The following HDAC1 variants were observed in gnomAD, a reference collection of about 807,000 sequenced individuals.
HDAC1 encodes histone deacetylase 1, also known as protein deacetylase HDAC1.
In HDAC1, 18 loss-of-function variants were observed where a neutral mutation model predicts 65.5. The ratio of observed to expected loss-of-function variants is 0.27; its 90% CI spans 0.19 to 0.41. The LOEUF (loss-of-function observed/expected upper bound fraction) is 0.41, where lower values mean the gene tolerates loss of function less well. Among genes scored for constraint, HDAC1 ranks in the 10% least tolerant of loss-of-function variants. HDAC1 has a pLI of 1.00. For missense variants in HDAC1, 373 were observed against 625.2 expected (o/e 0.60, Z 4.30); for synonymous variants, 211 against 227.9 (o/e 0.93, Z 0.67).
intron 1 of HDAC1, 183 bp downstream of exon 1, chr1:32,292,401 C>T: frequency 1.0e-6 from 1 of 985,146 alleles, no homozygotes; most frequent in Non-Finnish European, 1.2e-6. Context: ...GAGATCGAGG[C>T]TGAGACCAAG....
intron 1 of HDAC1, 104 bp from the exon 2 acceptor site, chr1:32,302,517 G>C (rs1304002361): frequency 2.4e-5 from 12 of 490,490 alleles, no homozygotes; most frequent in South Asian, 1.8e-4. Flanking sequence ...AACTAGAAAT[G>C]AGCCAGAAAG....
chr1:32,332,871 C>G lies in HDAC1; in HGVS notation c.1421+122C>G, dbSNP rs1641316039. 3 of 1,159,904 alleles carry G rather than the reference C, an allele frequency of 2.6e-6. No homozygotes were observed. The South Asian group carries it at 4.0e-5, about 15-fold the overall frequency. 71.9% of individuals were successfully genotyped at this position (1,159,904 alleles called of 1,614,324 possible). On this transcript the variant is annotated intron_variant, in intron 13 of 13. Transcript: ENST00000373548. Reference sequence around the variant, plus strand: ...GCTTACAAAGGCCTCTTTCAGGGACCAGTCTGTCCAGCTCTGCAGTTCTAG... The same window carrying G: ...GCTTACAAAGGCCTCTTTCAGGGACGAGTCTGTCCAGCTCTGCAGTTCTAG...
intron 4 of HDAC1, 93 bp from the exon 5 acceptor site, chr1:32,326,846 C>A: frequency 7.5e-7 from 1 of 1,331,784 alleles, no homozygotes; most frequent in Non-Finnish European, 1.1e-6. Context: ...GTTGAATAGG[C>A]AGGTCTTAAC....
chr1:32,321,818 G>A (rs150382063), intron 3 of HDAC1, among the ~76,000 whole-genome samples: 152 of 152,052 alleles, frequency 1.0e-3, no homozygotes, highest in Admixed American at 2.0e-3. Context: ...CTTTGGAAAC[G>A]CAGGCAGGCC....
In HDAC1 at chr1:32,332,712, G is replaced by A; in HGVS notation, c.1384G>A (p.Glu462Lys). ...CTCTTGTGTTCTAGAAGTCACCGAA[G>A]AGGAGAAAACCAAGGAGGAGAAGCC... is the stretch of plus-strand genomic sequence containing the variant. ...DPEEKKEVTE[E>K]EKTKEEKPEA... Residue 462 changes from glutamate (E) to lysine (K), a missense_variant, in exon 13 of 14, where the codon GAG (glutamate) becomes AAG (lysine). Physicochemically the swap from Glu to Lys is moderately conservative, Grantham distance 56. Around this residue, in one of 4 missense-constraint regions of HDAC1, gnomAD observed 126 missense variants for 126.2 expected, o/e 1.00. Coordinates refer to ENST00000373548, the MANE Select transcript of HDAC1 (RefSeq NM_004964.3). The A allele has an allele frequency of 1.3e-6, 2 of 1,555,096 alleles. No homozygotes were observed. The highest frequency in any genetic ancestry group is 2.7e-5 in the African/African-American group (2 of 73,546).
At chr1:32,325,566 T>C (rs574192053) in intron 4 of HDAC1, among the ~76,000 whole-genome samples, 1 of 152,344 alleles carries the variant, frequency 6.6e-6, no homozygotes, top group Admixed American at 6.5e-5. Context: ...ATCACATATA[T>C]ATGGTTTTAT....
At chr1:32,314,549 G>C (rs534201460) in intron 2 of HDAC1, among the ~76,000 whole-genome samples, 2 of 151,844 alleles carry the variant, frequency 1.3e-5, no homozygotes, top group African/African-American at 2.4e-5. Flanking sequence ...ATATTTCGCC[G>C]GGCAAGGTGG....
Position 32,298,281 on chromosome 1 carries a change from T to C in HDAC1, c.50-4340T>C, listed in dbSNP as rs941323569. 1.9e-4 allele frequency among the ~76,000 whole-genome samples: 29 copies of C among 149,586 alleles called. 1 individual carries two copies. Among genetic ancestry groups the C allele is most frequent in the African/African-American group, 5.9e-4 (24 of 40,392 alleles). On this transcript the variant is annotated intron_variant, in intron 1 of 13. Transcript: ENST00000373548. ...TTTTGTATTTTTAGTAGAGACGGGG[T>C]TTCTCCATGTTGGTCAGGCTGGTCT...
chr1:32,326,085 T>A (rs1641213646), intron 4 of HDAC1, among the ~76,000 whole-genome samples: 1 of 152,178 alleles, frequency 6.6e-6, no homozygotes, highest in African/African-American at 2.4e-5. Context: ...GGTGTGTATT[T>A]ATCTTTTACT....
chr1:32,327,555 TACATTG>T lies in HDAC1; in HGVS notation c.522_527del (p.Asp176_Ile177del). The T allele has an allele frequency of 6.2e-7, 1 of 1,613,452 alleles. No homozygotes were observed. Among genetic ancestry groups the T allele is most frequent in the Non-Finnish European group, 8.5e-7 (1 of 1,179,616 alleles). On this transcript the variant is annotated inframe_deletion, in exon 6 of 14. Transcript: ENST00000373548. This position sits in a 1 kb window ranked among gnomAD's most constrained non-coding sequence, Gnocchi z 6.0. ...TCCTAGGTATCACCAGAGGGTGCTGTACATTGACATTGATATTCACCATGGTGACGG... is the reference window on the plus strand; with the variant it reads ...TCCTAGGTATCACCAGAGGGTGCTGTACATTGATATTCACCATGGTGACGG...
chr1:32,326,622 T>C (rs986626291), intron 4 of HDAC1, among the ~76,000 whole-genome samples: 8 of 152,076 alleles, frequency 5.3e-5, no homozygotes, highest in Non-Finnish European at 1.0e-4. Flanking sequence ...TTACTGTTAC[T>C]CTGATATTTT....
At chr1:32,332,596 T>A in intron 12 of HDAC1, 105 bp from the exon 13 acceptor site, 1 of 815,096 alleles carries the variant, frequency 1.2e-6, no homozygotes, top group Non-Finnish European at 2.0e-6. Context: ...TCTCTTTATG[T>A]CCAGTGAGCT....
chr1:32,295,350 A>T (rs531209002), intron 1 of HDAC1, among the ~76,000 whole-genome samples: 1 of 152,080 alleles, frequency 6.6e-6, no homozygotes, highest in Admixed American at 6.6e-5. Context: ...GCAGTGAGCC[A>T]TGATCGCACC....
rs531393064 is a variant in HDAC1, at chr1:32,331,430, C to CGGTGGCCAGGTCG, written c.980-32_980-31insGGGTGGCCAGGTC. On this transcript the variant is annotated intron_variant, in intron 9 of 13. Coordinates refer to ENST00000373548, the MANE Select transcript of HDAC1 (RefSeq NM_004964.3). This position sits in a 1 kb window ranked among gnomAD's most constrained non-coding sequence, Gnocchi z 4.2. ...TGCTTACGTGCAAATGGTTAGGGTG[C>CGGTGGCCAGGTCG]GGTGGCCAGGTCTCTTGACGGTCTT... 261 of 1,100,542 alleles carry CGGTGGCCAGGTCG rather than the reference C, an allele frequency of 2.4e-4. 1 individual carries two copies. The African/African-American group carries it at 3.6e-3, about 15-fold the overall frequency. 68.2% of individuals were successfully genotyped at this position (1,100,542 alleles called of 1,614,324 possible).
chr1:32,330,509 C>G lies in HDAC1; in HGVS notation c.730-69C>G, dbSNP rs1042358622. The G allele has an allele frequency of 9.4e-7, 1 of 1,066,514 alleles. No individual in the cohort carries two copies. Among genetic ancestry groups the G allele is most frequent in the Non-Finnish European group, 1.5e-6 (1 of 684,354 alleles). 66.1% of individuals were successfully genotyped at this position (1,066,514 alleles called of 1,614,324 possible). A position where few individuals can be genotyped will look rare whatever the true frequency, so the allele number is the denominator to read the frequency against. On this transcript the variant is annotated intron_variant, in intron 7 of 13. Transcript: ENST00000373548. The surrounding 1 kb of genome is among the most constrained non-coding windows in gnomAD (Gnocchi z 4.2). ...AGGAGTGGGTGGGAAAGTGTTGCACCCAGCCTTTCCACTCCAAACCTCGTA... is the reference window on the plus strand; with the variant it reads ...AGGAGTGGGTGGGAAAGTGTTGCACGCAGCCTTTCCACTCCAAACCTCGTA...
intron 3 of HDAC1, among the ~76,000 whole-genome samples, chr1:32,323,778 A>G (rs957571888): frequency 6.6e-6 from 1 of 152,186 alleles, no homozygotes; most frequent in African/African-American, 2.4e-5. Flanking sequence ...TATTTAACGC[A>G]TGTAGCGCAG....
chr1:32,330,799 C>G lies in HDAC1; in HGVS notation c.870C>G (p.Ser290Arg), dbSNP rs767482750. 2.5e-6 allele frequency: 4 copies of G among 1,614,162 alleles called. No individual in the cohort carries two copies. In the Admixed American group the frequency reaches 6.7e-5, roughly 27 times the overall value. Reference protein sequence around the residue: ...GHAKCVEFVKSFNLPMLMLGG... With the variant: ...GHAKCVEFVKRFNLPMLMLGG... ...CCAAGTGTGTGGAATTTGTCAAGAG[C>G]TTTAACCTGCCTATGCTGATGCTGG... Residue 290 changes from serine (S) to arginine (R), a missense_variant, in exon 9 of 14, where the codon AGC becomes AGG. Ser to Arg is a moderately radical substitution (Grantham distance 110). Around this residue, in one of 4 missense-constraint regions of HDAC1, gnomAD observed 105 missense variants for 192.6 expected, o/e 0.55. Transcript: ENST00000373548. The surrounding 1 kb of genome is among the most constrained non-coding windows in gnomAD (Gnocchi z 4.2).
At chr1:32,311,646 A>G (rs1640994383) in intron 2 of HDAC1, among the ~76,000 whole-genome samples, 1 of 152,218 alleles carries the variant, frequency 6.6e-6, no homozygotes, top group African/African-American at 2.4e-5. Context: ...AAAAAAGGAC[A>G]GAGTTTAAAA....
At chr1:32,315,156 A>C (rs532559520) in intron 2 of HDAC1, among the ~76,000 whole-genome samples, 2 of 152,228 alleles carry the variant, frequency 1.3e-5, no homozygotes, top group African/African-American at 4.8e-5. Context: ...GGGAAGGAGG[A>C]GTCAGAATGT....
Sources: allele counts gnomAD v4.1 joint callset (sites outside exome capture counted in the v4.1 genomes callset), GRCh38; gene constraint gnomAD v4.1.1; regional missense constraint gnomAD v4.1.1; non-coding constraint Gnocchi (gnomAD v3.1); transcripts MANE v1.5; gene names NCBI Gene and HGNC (gene_info 2026-07-23, HGNC 2026-07-21).